The following TES variants were observed in gnomAD, a reference collection of about 807,000 sequenced individuals.
TES encodes testin LIM domain protein.
In TES, 41 loss-of-function variants were observed where a neutral mutation model predicts 48.2. The observed-to-expected ratio is 0.85, with a 90% confidence interval of 0.66 to 1.10. TES has a LOEUF of 1.10. Among genes scored for constraint, TES ranks in the 50% least tolerant of loss-of-function variants. The pLI is 0.00. For synonymous variants in TES, 162 were observed against 174.9 expected, an observed-to-expected ratio of 0.93 and a Z score of 0.58; for missense variants, 463 against 515.1, an observed-to-expected ratio of 0.90 and a Z score of 0.98.
rs1034679438 is a variant in TES at position 116,210,595 on chromosome 7, G to C, written c.-113G>C. 2 of 1,165,134 alleles carry C rather than the reference G, an allele frequency of 1.7e-6. No homozygotes were observed. Among genetic ancestry groups the C allele is most frequent in the Non-Finnish European group, 2.2e-6 (2 of 908,646 alleles). 72.2% of individuals were successfully genotyped at this position (1,165,134 alleles called of 1,614,324 possible). A position where few individuals can be genotyped will look rare whatever the true frequency, so the allele number is the denominator to read the frequency against. Reference sequence around the variant, plus strand: ...GGCGCCGGGCGAGTGGCTGTTGAGCGGCGCCGCGGGAGTTCCGCAGGTTTC... The same window carrying C: ...GGCGCCGGGCGAGTGGCTGTTGAGCCGCGCCGCGGGAGTTCCGCAGGTTTC... On this transcript the variant is annotated 5_prime_UTR_variant, in exon 1 of 7. Transcript: ENST00000358204.
intron 1 of TES, among the ~76,000 whole-genome samples, chr7:116,217,330 A>G (rs1184895911): frequency 6.6e-6 from 1 of 152,150 alleles, no homozygotes; most frequent in African/African-American, 2.4e-5. Flanking sequence ...GAAAAAGATT[A>G]TGAATGCATA....
intron 1 of TES, among the ~76,000 whole-genome samples, chr7:116,216,026 C>G (rs991779736): frequency 6.6e-6 from 1 of 152,122 alleles, no homozygotes; most frequent in African/African-American, 2.4e-5. Flanking sequence ...TCATGAGGCT[C>G]TCATGGAGCT....
intron 1 of TES, among the ~76,000 whole-genome samples, chr7:116,225,102 C>T (rs967807452): frequency 5.3e-5 from 8 of 151,744 alleles, no homozygotes; most frequent in Non-Finnish European, 7.4e-5. Flanking sequence ...TTTTAACAAA[C>T]GGTGGTTGAG....
chr7:116,223,300 T>C (rs1176741532), intron 1 of TES, among the ~76,000 whole-genome samples: 1 of 152,232 alleles, frequency 6.6e-6, no homozygotes, highest in Non-Finnish European at 1.5e-5. Context: ...CTACCTAATT[T>C]GAATCAAGTA....
chr7:116,210,686 G>A lies in TES; in HGVS notation c.-22G>A, dbSNP rs1051795162. 1.0e-5 allele frequency: 13 copies of A among 1,296,208 alleles called. No homozygotes were observed. Among genetic ancestry groups the A allele is most frequent in the East Asian group, 3.2e-5 (1 of 31,550 alleles). 80.3% of individuals were successfully genotyped at this position (1,296,208 alleles called of 1,614,324 possible). A position where few individuals can be genotyped will look rare whatever the true frequency, so the allele number is the denominator to read the frequency against. The stretch of plus-strand genomic sequence containing the variant: ...GTGGGATCCCGGATAGGAGGAGGAG[G>A]GGACCCATAGGACGCGTTAACATGG... On this transcript the variant is annotated 5_prime_UTR_variant, in exon 1 of 7. Coordinates refer to ENST00000358204, the MANE Select transcript of TES (RefSeq NM_015641.4).
chr7:116,223,796 C>T (rs1799585882), intron 1 of TES, among the ~76,000 whole-genome samples: 1 of 152,092 alleles, frequency 6.6e-6, no homozygotes, highest in Admixed American at 6.5e-5. Flanking sequence ...TAGATAAGTA[C>T]CCCATATACC....
At chr7:116,223,067 A>C (rs1799575489) in intron 1 of TES, 1 of 894,004 alleles carries the variant, frequency 1.1e-6, no homozygotes, top group African/African-American at 1.8e-5. Context: ...GTAGTATAAA[A>C]ATAATTTGAT....
At chr7:116,223,797 C>T (rs1799585915) in intron 1 of TES, among the ~76,000 whole-genome samples, 2 of 152,004 alleles carry the variant, frequency 1.3e-5, no homozygotes. Context: ...AGATAAGTAC[C>T]CCATATACCC....
intron 2 of TES, among the ~76,000 whole-genome samples, chr7:116,243,164 A>T (rs1478082059): frequency 6.6e-6 from 1 of 152,086 alleles, no homozygotes; most frequent in Non-Finnish European, 1.5e-5. Flanking sequence ...GAGTGTTTTA[A>T]ACTATAAATT....
chr7:116,249,545 T>C (rs1353375998), intron 3 of TES: 2 of 369,624 alleles, frequency 5.4e-6, no homozygotes, highest in East Asian at 4.6e-5. Context: ...TTTATATCAA[T>C]CTAGTAACTC....
rs1038129839 is a variant in TES, at chr7:116,249,143, A to G, written c.237A>G (p.Leu79=). 3.1e-6 allele frequency: 5 copies of G among 1,614,144 alleles called. No homozygotes were observed. Among genetic ancestry groups the G allele is most frequent in the South Asian group, 1.1e-5 (1 of 91,078 alleles). The change falls in exon 3 of 7, where the codon CTA becomes CTG. Residue 79 remains leucine (L), a synonymous_variant. Transcript: ENST00000358204. ...AGTATACCACTCTGATTGCAAAACT[A>G]AAGTCAGATGGAATTCCCATGTATA... The part of the protein sequence containing the change: ...DTKYTTLIAK[L]KSDGIPMYKR...
chr7:116,221,148 A>T (rs1344705573), intron 1 of TES, among the ~76,000 whole-genome samples: 1 of 152,136 alleles, frequency 6.6e-6, no homozygotes, highest in Non-Finnish European at 1.5e-5. Context: ...CTAATTTAAA[A>T]ATTTAATATA....
intron 6 of TES, among the ~76,000 whole-genome samples, chr7:116,254,758 A>ATGTGTGTGTGTGTGTG (rs202115399): frequency 8.6e-6 from 1 of 116,756 alleles, no homozygotes; most frequent in Non-Finnish European, 1.7e-5. Context: ...ATATATATAT[A>ATGTGTGTGTGTGTGTG]TGTGTGTGTG....
intron 2 of TES, 34 bp downstream of exon 2, chr7:116,234,653 T>C: frequency 6.4e-7 from 1 of 1,561,748 alleles, no homozygotes; most frequent in Non-Finnish European, 8.8e-7. Context: ...ACATTAGTAA[T>C]TTATACTTTT....
At chr7:116,252,104 T>A in intron 5 of TES, 129 bp downstream of exon 5, 1 of 1,064,064 alleles carries the variant, frequency 9.4e-7, no homozygotes, top group Non-Finnish European at 1.4e-6. Flanking sequence ...TTTTAAAAAA[T>A]AAACTTCTGA....
chr7:116,214,439 TTGC>T, intron 1 of TES, among the ~76,000 whole-genome samples: 1 of 152,324 alleles, frequency 6.6e-6, no homozygotes, highest in Middle Eastern at 3.4e-3. Context: ...GAAGCCATTC[TTGC>T]TGCAAGAACC....
chr7:116,228,020 TTG>T (rs1799647105), intron 1 of TES, among the ~76,000 whole-genome samples: 1 of 141,050 alleles, frequency 7.1e-6, no homozygotes, highest in East Asian at 2.4e-4. Context: ...TTTTTTTTTT[TTG>T]TTTTTTTTTA....
Position 116,250,227 on chromosome 7 carries a change from T to C in TES, c.433T>C (p.Tyr145His). ...QPVAGSEGAQ[Y>H]RKKQLAKQLP... ...AGTAGCAGGCTCAGAGGGGGCACAG[T>C]ACCGGAAGAAGCAGCTGGCAAAGCA... The change falls in exon 4 of 7, where the codon TAC becomes CAC. Residue 145 changes from tyrosine to histidine, a missense_variant. Physicochemically the swap from Tyr to His is moderately conservative, Grantham distance 83. Transcript: ENST00000358204. 2 of 1,605,024 alleles carry C rather than the reference T, an allele frequency of 1.2e-6. No individual in the cohort carries two copies. The highest frequency in any genetic ancestry group is 1.7e-6 in the Non-Finnish European group (2 of 1,175,938).
intron 6 of TES, among the ~76,000 whole-genome samples, chr7:116,254,758 A>ATATGTGTG (rs1471883193): frequency 8.6e-6 from 1 of 116,756 alleles, no homozygotes; most frequent in South Asian, 2.9e-4. Flanking sequence ...ATATATATAT[A>ATATGTGTG]TGTGTGTGTG....
Sources: allele counts gnomAD v4.1 joint callset (sites outside exome capture counted in the v4.1 genomes callset), GRCh38; gene constraint gnomAD v4.1.1; transcripts MANE v1.5; gene names NCBI Gene and HGNC (gene_info 2026-07-23, HGNC 2026-07-21).